Variants in ATM observed in about 807,000 individuals in gnomAD.
The protein encoded by ATM is ATM serine/threonine kinase.
Under a neutral mutation model 387.0 loss-of-function variants are expected in ATM, and 308 were observed. The observed-to-expected ratio is 0.80, with a 90% confidence interval of 0.73 to 0.87. The LOEUF (loss-of-function observed/expected upper bound fraction) is 0.87, where lower values mean the gene tolerates loss of function less well. Ranked by LOEUF, ATM falls within the 40% of genes least tolerant of loss-of-function variation. The probability of loss-of-function intolerance (pLI) is 0.00; values close to 1 mark genes in which losing one functional copy is unlikely to be tolerated. For synonymous variants in ATM, 1,156 were observed against 1,187.3 expected, an observed-to-expected ratio of 0.97 and a Z score of 0.54; for missense variants, 3,312 against 3,560.9, an observed-to-expected ratio of 0.93 and a Z score of 1.78.
At chr11:108,251,758 GC>G in intron 10 of ATM, 78 bp from the exon 11 acceptor site, 1 of 1,355,804 alleles carries the variant, frequency 7.4e-7, no homozygotes, top group Non-Finnish European at 1.1e-6. Flanking sequence ...AAATGTATGT[GC>G]CAGGCACTGT....
At chr11:108,251,615 A>G (rs2080152037) in intron 10 of ATM, among the ~76,000 whole-genome samples, 2 of 152,212 alleles carry the variant, frequency 1.3e-5, no homozygotes, top group Non-Finnish European at 1.5e-5. Flanking sequence ...GCAATTTATC[A>G]TTATTTATTA....
intron 22 of ATM, among the ~76,000 whole-genome samples, chr11:108,274,257 CTCTT>C (rs746036537): frequency 2.1e-4 from 32 of 152,020 alleles, no homozygotes; most frequent in African/African-American, 3.6e-4. Context: ...TGATTCTTCT[CTCTT>C]TATTAGTCTT....
At chr11:108,360,355 T>A (rs1335546107) in intron 61 of ATM, among the ~76,000 whole-genome samples, 4 of 151,482 alleles carry the variant, frequency 2.6e-5, no homozygotes, top group African/African-American at 9.7e-5. Context: ...ACAGCTGAAT[T>A]CTACCAGAGG....
intron 22 of ATM, among the ~76,000 whole-genome samples, chr11:108,274,249 ATTC>A (rs1337326365): frequency 2.7e-5 from 4 of 149,602 alleles, no homozygotes; most frequent in African/African-American, 9.9e-5. Flanking sequence ...AGTCTATTTG[ATTC>A]TTCTCTCTTT....
chr11:108,319,807 G>T, intron 43 of ATM, 147 bp from the exon 44 acceptor site: 2 of 630,594 alleles, frequency 3.2e-6, no homozygotes, highest in Non-Finnish European at 5.6e-6. Flanking sequence ...CATAAAATTT[G>T]TATTTCTTAC....
intron 57 of ATM, among the ~76,000 whole-genome samples, chr11:108,344,654 G>C (rs2088066638): frequency 6.6e-6 from 1 of 152,072 alleles, no homozygotes; most frequent in African/African-American, 2.4e-5. Context: ...AGAATCGTGG[G>C]TAGAGATGAG....
chr11:108,332,734 T>C (rs2136557817), intron 52 of ATM, 28 bp from the exon 53 acceptor site: 1 of 1,605,366 alleles, frequency 6.2e-7, no homozygotes, highest in African/African-American at 1.3e-5. Context: ...TAGTTCCTTA[T>C]GTAATGTTTT....
At chr11:108,361,522 G>GCAT (rs1422060579) in intron 61 of ATM, among the ~76,000 whole-genome samples, 1 of 151,984 alleles carries the variant, frequency 6.6e-6, no homozygotes, top group Non-Finnish European at 1.5e-5. Context: ...AAAGCTGGAG[G>GCAT]CATCACACTA....
In ATM at chr11:108,279,559, C is replaced by T. The variant is rs539847847; in HGVS notation, c.3353C>T (p.Thr1118Ile). 3 of 1,613,788 alleles carry T rather than the reference C, an allele frequency of 1.9e-6. No homozygotes were observed. Among genetic ancestry groups the T allele is most frequent in the Middle Eastern group, 1.7e-4 (1 of 6,058 alleles). ...LKALPLKLQQ[T>I]AFENAYLKAQ... ...GCACTTCCTTTGAAGCTTCAGCAAACAGCTTTTGAAAATGCATACTTGAAA... is the reference window on the plus strand; with the variant it reads ...GCACTTCCTTTGAAGCTTCAGCAAATAGCTTTTGAAAATGCATACTTGAAA... Residue 1118 changes from threonine (T) to isoleucine (I), a missense_variant, in exon 23 of 63, where the codon ACA becomes ATA. Transcript: ENST00000675843.
rs571866895 is a variant in ATM at position 108,227,919 on chromosome 11, T to C, written c.185+31T>C. The C allele has an allele frequency of 7.2e-6, 11 of 1,533,176 alleles. No homozygotes were observed. In the African/African-American group the frequency reaches 8.2e-5, roughly 11 times the overall value. The allele number at this position is 1,533,176 out of a possible 1,614,324, so 95.0% of individuals were successfully genotyped here. A position where few individuals can be genotyped will look rare whatever the true frequency, so the allele number is the denominator to read the frequency against. The stretch of plus-strand genomic sequence containing the variant: ...CTATTCAAATTTATTTTACTGTCTT[T>C]ATTTTTCTCTTTCATATTTATTTCT... On this transcript the variant is annotated intron_variant, in intron 3 of 62. Coordinates refer to ENST00000675843, the MANE Select transcript of ATM (RefSeq NM_000051.4).
At chr11:108,335,278 AT>A in intron 55 of ATM, 169 bp downstream of exon 55, 63 of 1,518,470 alleles carry the variant, frequency 4.1e-5, no homozygotes, top group Middle Eastern at 1.7e-4. Flanking sequence ...GCTTTTCTCC[AT>A]TTTTTTTGTG....
intron 27 of ATM, among the ~76,000 whole-genome samples, chr11:108,287,983 G>C (rs1485467206): frequency 6.6e-6 from 1 of 151,910 alleles, no homozygotes; most frequent in African/African-American, 2.4e-5. Flanking sequence ...TGAACATTGT[G>C]CCATCTGTTG....
intron 61 of ATM, among the ~76,000 whole-genome samples, chr11:108,364,256 G>C (rs1031712812): frequency 6.6e-6 from 1 of 152,164 alleles, no homozygotes; most frequent in Non-Finnish European, 1.5e-5. Flanking sequence ...ATGCCCTGTA[G>C]AATCATTCTT....
intron 26 of ATM, 101 bp from the exon 27 acceptor site, chr11:108,287,499 C>G: frequency 1.4e-6 from 1 of 713,346 alleles, no homozygotes; most frequent in East Asian, 2.8e-5. Context: ...CTTTTACAGT[C>G]ATCGAATACT....
chr11:108,281,157 C>G lies in ATM; in HGVS notation c.3565C>G (p.Leu1189Val), dbSNP rs370602633. The G allele has an allele frequency of 1.2e-6, 2 of 1,613,768 alleles. No homozygotes were observed. Among genetic ancestry groups the G allele is most frequent in the Non-Finnish European group, 1.7e-6 (2 of 1,179,860 alleles). The change falls in exon 24 of 63, where the codon CTT becomes GTT. Residue 1189 changes from leucine (L) to valine (V), a missense_variant. Coordinates refer to ENST00000675843, the MANE Select transcript of ATM (RefSeq NM_000051.4). ...GAAAGAGAATGGATTAGAACCTCAC[C>G]TTGTGAAAAAGGTATATATGGATGA... ...SVKENGLEPH[L>V]VKKVLEKVSE...
In ATM at chr11:108,357,540, T is replaced by C. The variant is rs2090145755; in HGVS notation, c.8850+2666T>C. On this transcript the variant is annotated intron_variant, in intron 61 of 62. Coordinates refer to ENST00000675843, the MANE Select transcript of ATM (RefSeq NM_000051.4). Reference sequence around the variant, plus strand: ...GCAGTAACCTCTGCAGACTTAAATGTCCCTGTCTGACAGCTTTGAAGAGAG... The same window carrying C: ...GCAGTAACCTCTGCAGACTTAAATGCCCCTGTCTGACAGCTTTGAAGAGAG... Among the ~76,000 whole-genome samples the C allele has an allele frequency of 2.6e-5, 4 of 152,258 alleles. No homozygotes were observed. The South Asian group carries it at 8.3e-4, about 32-fold the overall frequency.
intron 17 of ATM, 39 bp downstream of exon 17, chr11:108,267,381 T>G: frequency 6.3e-7 from 1 of 1,592,846 alleles, no homozygotes; most frequent in South Asian, 1.1e-5. Flanking sequence ...CTTTTACTTC[T>G]TTATATTGAT....
At chr11:108,317,327 G>A (rs773066283) in intron 42 of ATM, 46 bp from the exon 43 acceptor site, 3 of 1,580,846 alleles carry the variant, frequency 1.9e-6, no homozygotes, top group Non-Finnish European at 2.6e-6. Flanking sequence ...GTTTTCTGTT[G>A]ATATCTTTGA....
At position 108,345,749 on chromosome 11, in the gene ATM, CA is replaced by C. The variant is rs587782558; in HGVS notation, c.8432del (p.Lys2811SerfsTer46). Reference protein sequence around the residue: ...FQCQKKMMEVQKKSFEEKYEV... With the variant: ...FQCQKKMMEVXKKSFEEKYEV... ...ATATATTCTCTATTTAAAGGAGGTG[CA>C]AAAAAAGTCTTTTGAAGAGAAATAT... On this transcript the variant is annotated frameshift_variant, in exon 58 of 63. Coordinates refer to ENST00000675843, the MANE Select transcript of ATM (RefSeq NM_000051.4). LOFTEE classifies it high-confidence loss of function. 5 of 1,608,824 alleles carry C rather than the reference CA, an allele frequency of 3.1e-6. No homozygotes were observed. The highest frequency in any genetic ancestry group is 3.4e-6 in the Non-Finnish European group (4 of 1,176,572).
Sources: allele counts gnomAD v4.1 joint callset (sites outside exome capture counted in the v4.1 genomes callset), GRCh38; gene constraint gnomAD v4.1.1; transcripts MANE v1.5; gene names NCBI Gene and HGNC (gene_info 2026-07-23, HGNC 2026-07-21).